ANO4: variants seen among roughly 807,000 people sequenced by gnomAD.
ANO4 encodes the protein anoctamin-4.
A neutral mutation model predicts 141.9 loss-of-function variants in ANO4; 69 were observed. The observed-to-expected ratio is 0.49, with a 90% CI of 0.40 to 0.59. The LOEUF (loss-of-function observed/expected upper bound fraction) is 0.59. ANO4 is among the 20% of genes least tolerant of loss of function. The pLI is 0.00. For synonymous variants in ANO4, 350 were observed against 394.3 expected, an observed-to-expected ratio of 0.89 and a Z score of 1.33; for missense variants, 894 against 1,162.2, an observed-to-expected ratio of 0.77 and a Z score of 3.36.
chr12:100,899,495 C>G (rs111562310), intron 1 of ANO4, among the ~76,000 whole-genome samples: 150 of 152,308 alleles, frequency 9.8e-4, no homozygotes, highest in Non-Finnish European at 1.7e-3. Context: ...TCTGGCGGTG[C>G]AACTGGAATT....
intron 3 of ANO4, among the ~76,000 whole-genome samples, chr12:100,935,851 A>G (rs1367126386): frequency 6.6e-6 from 1 of 152,212 alleles, no homozygotes; most frequent in Non-Finnish European, 1.5e-5. Flanking sequence ...GTAAGTTTGA[A>G]TCAAAGATTT....
chr12:100,728,484 C>G (rs912426519), intron 1 of ANO4, among the ~76,000 whole-genome samples: 1 of 152,154 alleles, frequency 6.6e-6, no homozygotes, highest in African/African-American at 2.4e-5. Context: ...TGCCTCTGCT[C>G]TCAATTGCTT....
At chr12:101,089,188 G>C (rs1293892243) in intron 17 of ANO4, among the ~76,000 whole-genome samples, 1 of 152,020 alleles carries the variant, frequency 6.6e-6, no homozygotes, top group Non-Finnish European at 1.5e-5. Context: ...AATAAAACTT[G>C]AGTGATTCCT....
upstream of ANO4, among the ~76,000 whole-genome samples, chr12:100,792,040 T>A (rs1341339601): frequency 2.0e-5 from 3 of 151,728 alleles, no homozygotes; most frequent in Non-Finnish European, 4.4e-5. Context: ...AATATTCTGA[T>A]GTCAAAAATG....
chr12:100,785,266 G>C (rs1377217175), intron 3 of ANO4, among the ~76,000 whole-genome samples: 1 of 152,086 alleles, frequency 6.6e-6, no homozygotes, highest in African/African-American at 2.4e-5. Flanking sequence ...AAAGTCCATA[G>C]TTTACCTTAG....
At chr12:100,917,324 A>G (rs1200114993) in intron 2 of ANO4, among the ~76,000 whole-genome samples, 1 of 152,164 alleles carries the variant, frequency 6.6e-6, no homozygotes, top group African/African-American at 2.4e-5. Flanking sequence ...GCTGTATTTT[A>G]AAGAATCTTC....
chr12:101,094,141 A>G (rs1019855254), intron 17 of ANO4, 115 bp from the exon 18 acceptor site: 6 of 782,322 alleles, frequency 7.7e-6, no homozygotes, highest in Non-Finnish European at 1.3e-5. Context: ...TGGTTGAGCA[A>G]TGGATGCTTA....
intron 14 of ANO4, among the ~76,000 whole-genome samples, chr12:101,059,636 CATTTCTTCTAGATTTTCT>C (rs1424279240): frequency 6.6e-6 from 1 of 152,038 alleles, no homozygotes; most frequent in East Asian, 1.9e-4. Flanking sequence ...GGAATTTATC[CATTTCTTCTAGATTTTCT>C]AGTTTCTTTG....
intron 1 of ANO4, among the ~76,000 whole-genome samples, chr12:100,894,229 G>A (rs1023020359): frequency 6.6e-6 from 1 of 152,078 alleles, no homozygotes; most frequent in Non-Finnish European, 1.5e-5. Context: ...CTGTCAAATA[G>A]CCTGACACTA....
intron 8 of ANO4, among the ~76,000 whole-genome samples, chr12:100,997,300 C>A (rs1009645489): frequency 6.7e-6 from 1 of 149,672 alleles, no homozygotes; most frequent in South Asian, 2.2e-4. Context: ...CACCACTGCA[C>A]CCCAGCCTGG....
At chr12:100,955,785 A>T (rs866287421) in intron 5 of ANO4, among the ~76,000 whole-genome samples, 6 of 152,188 alleles carry the variant, frequency 3.9e-5, no homozygotes, top group Non-Finnish European at 5.9e-5. Context: ...GTGACCTGGG[A>T]CTTAAAGGAT....
intron 2 of ANO4, among the ~76,000 whole-genome samples, chr12:100,908,995 A>G (rs1304029187): frequency 2.0e-5 from 3 of 152,204 alleles, no homozygotes; most frequent in Non-Finnish European, 4.4e-5. Flanking sequence ...GCAGAACTCT[A>G]TTAAACATGG....
chr12:100,901,710 A>T lies in ANO4; in HGVS notation c.-76A>T. ...AAATCCATCAACGGCGAAGTGTGGC[A>T]AGCCGCCCAGCGTCACGTCGTCGCC... On this transcript the variant is annotated 5_prime_UTR_variant, in exon 2 of 28. Coordinates refer to ENST00000392977, the MANE Select transcript of ANO4 (RefSeq NM_001286615.2). 3 of 1,363,916 alleles carry T rather than the reference A, an allele frequency of 2.2e-6. No individual in the cohort carries two copies. Among genetic ancestry groups the T allele is most frequent in the Non-Finnish European group, 3.2e-6 (3 of 952,146 alleles). The allele number at this position is 1,363,916 out of a possible 1,614,324, so 84.5% of individuals were successfully genotyped here. A position where few individuals can be genotyped will look rare whatever the true frequency, so the allele number is the denominator to read the frequency against.
At chr12:100,855,509 T>C (rs548718865) in intron 1 of ANO4, among the ~76,000 whole-genome samples, 2 of 152,310 alleles carry the variant, frequency 1.3e-5, no homozygotes, top group South Asian at 4.1e-4. Context: ...CGTATTTCTT[T>C]GTAATCTTCA....
chr12:101,115,664 C>G (rs567063334), intron 24 of ANO4, among the ~76,000 whole-genome samples: 2 of 152,120 alleles, frequency 1.3e-5, no homozygotes, highest in Non-Finnish European at 2.9e-5. Context: ...CCACAATGTT[C>G]AATATGTAAA....
At chr12:100,985,548 ATCTAGGCAT>A (rs2044671493) in intron 7 of ANO4, among the ~76,000 whole-genome samples, 2 of 152,172 alleles carry the variant, frequency 1.3e-5, no homozygotes, top group African/African-American at 4.8e-5. Flanking sequence ...CAGGATTTGA[ATCTAGGCAT>A]TCCAGCCCCA....
chr12:100,875,068 G>A (rs1304161945), intron 1 of ANO4, among the ~76,000 whole-genome samples: 1 of 152,164 alleles, frequency 6.6e-6, no homozygotes, highest in African/African-American at 2.4e-5. Context: ...TTGAGGAACT[G>A]TTGAGAAGGG....
intron 7 of ANO4, among the ~76,000 whole-genome samples, chr12:100,982,915 A>G (rs961403866): frequency 5.3e-5 from 8 of 152,252 alleles, no homozygotes; most frequent in Admixed American, 2.0e-4. Context: ...GCTGATCATC[A>G]TTTTAGAGAT....
chr12:101,071,680 A>G (rs1260334549), intron 14 of ANO4, among the ~76,000 whole-genome samples: 1 of 152,168 alleles, frequency 6.6e-6, no homozygotes, highest in Non-Finnish European at 1.5e-5. Context: ...ACTTTTTAAA[A>G]TAACTAAAAT....
Sources: gnomAD v4.1 joint callset for allele counts (sites outside exome capture counted in the v4.1 genomes callset) on GRCh38, gnomAD v4.1.1 for gene constraint, MANE v1.5 for transcripts, NCBI Gene and HGNC (gene_info 2026-07-23, HGNC 2026-07-21) for gene names.